Variants in ARMH3 observed in about 807,000 individuals in gnomAD.
The protein encoded by ARMH3 is armadillo like helical domain containing 3.
A neutral mutation model predicts 99.1 loss-of-function variants in ARMH3; 60 were observed. The ratio of observed to expected loss-of-function variants is 0.61; its 90% CI spans 0.49 to 0.75. The LOEUF (loss-of-function observed/expected upper bound fraction) is 0.75. ARMH3 is among the 30% of genes least tolerant of loss of function. The pLI is 0.00. For missense variants in ARMH3, 679 were observed against 843.1 expected (o/e 0.81, Z 2.41); for synonymous variants, 285 against 292.8 (o/e 0.97, Z 0.27).
intron 22 of ARMH3, among the ~76,000 whole-genome samples, chr10:101,945,434 T>G (rs1013794529): frequency 6.6e-6 from 1 of 151,946 alleles, no homozygotes; most frequent in South Asian, 2.1e-4. Context: ...ATACAAAAAT[T>G]AGGCTGGACA....
chr10:101,985,078 T>TACACAC (rs35926257), intron 19 of ARMH3, among the ~76,000 whole-genome samples: 165 of 136,204 alleles, frequency 1.2e-3, no homozygotes, highest in Middle Eastern at 4.0e-3. Flanking sequence ...AAAATATATA[T>TACACAC]ACACACACAC....
intron 5 of ARMH3, 62 bp from the exon 6 acceptor site, chr10:102,025,310 C>T: frequency 7.3e-7 from 1 of 1,372,044 alleles, no homozygotes; most frequent in South Asian, 1.2e-5. Context: ...TTGTCTAACT[C>T]TGGGTTATGT....
At chr10:101,865,495 T>C (rs1458806899) in intron 24 of ARMH3, among the ~76,000 whole-genome samples, 1 of 152,038 alleles carries the variant, frequency 6.6e-6, no homozygotes, top group African/African-American at 2.4e-5. Context: ...CCGTAATTTT[T>C]TTTTCTTTTT....
chr10:101,968,806 C>T (rs991807321), intron 20 of ARMH3, among the ~76,000 whole-genome samples: 2 of 152,148 alleles, frequency 1.3e-5, no homozygotes, highest in East Asian at 3.8e-4. Flanking sequence ...AAAAAAGCTT[C>T]CTGGCATTCC....
chr10:102,038,089 C>CTTTTTTT (rs949920845), intron 2 of ARMH3, among the ~76,000 whole-genome samples: 2 of 113,328 alleles, frequency 1.8e-5, no homozygotes, highest in African/African-American at 7.0e-5. Flanking sequence ...AGAAAGAATC[C>CTTTTTTT]TTTTTTTTTT....
At chr10:101,939,978 G>A (rs370253400) in intron 22 of ARMH3, 40 bp from the exon 23 acceptor site, 10 of 1,547,144 alleles carry the variant, frequency 6.5e-6, no homozygotes, top group Middle Eastern at 1.7e-4. Context: ...CAAACCCCCG[G>A]CATAAAACAC....
chr10:102,043,883 G>C (rs2067479339), intron 1 of ARMH3, among the ~76,000 whole-genome samples: 1 of 152,186 alleles, frequency 6.6e-6, no homozygotes, highest in Non-Finnish European at 1.5e-5. Flanking sequence ...CACGTGAGCT[G>C]CTGTCACTTC....
At chr10:101,983,279 A>G (rs1846313011) in intron 19 of ARMH3, among the ~76,000 whole-genome samples, 3 of 152,014 alleles carry the variant, frequency 2.0e-5, no homozygotes, top group Admixed American at 6.6e-5. Context: ...AGTGGTTTTT[A>G]TTTTATTTTA....
chr10:101,992,744 G>A (rs1846860364), intron 17 of ARMH3, among the ~76,000 whole-genome samples: 1 of 151,686 alleles, frequency 6.6e-6, no homozygotes, highest in Non-Finnish European at 1.5e-5. Flanking sequence ...ATCCCGCCTT[G>A]GCCTCCCAAA....
intron 8 of ARMH3, among the ~76,000 whole-genome samples, chr10:102,023,187 CAAAAA>C: frequency 7.8e-6 from 1 of 128,834 alleles, no homozygotes; most frequent in African/African-American, 2.8e-5. Flanking sequence ...AAATCCGTCT[CAAAAA>C]AAAAAAAAAA....
intron 20 of ARMH3, among the ~76,000 whole-genome samples, chr10:101,964,668 A>T (rs1845456377): frequency 6.6e-6 from 1 of 152,188 alleles, no homozygotes; most frequent in African/African-American, 2.4e-5. Context: ...TACCCAGAGT[A>T]ATCAAATTCA....
At chr10:101,926,466 G>C (rs918587980) in intron 23 of ARMH3, among the ~76,000 whole-genome samples, 1 of 152,136 alleles carries the variant, frequency 6.6e-6, no homozygotes, top group Non-Finnish European at 1.5e-5. Context: ...CCAAACATGA[G>C]AATTTAGAGT....
chr10:101,988,337 C>T (rs1318044358), intron 19 of ARMH3, among the ~76,000 whole-genome samples: 1 of 152,162 alleles, frequency 6.6e-6, no homozygotes, highest in Non-Finnish European at 1.5e-5. Context: ...AATAGCACAT[C>T]CTAAAACTAG....
At chr10:101,868,848 G>A (rs1485365105) in intron 24 of ARMH3, among the ~76,000 whole-genome samples, 2 of 152,160 alleles carry the variant, frequency 1.3e-5, no homozygotes, top group Non-Finnish European at 2.9e-5. Flanking sequence ...AAGGCAGGTG[G>A]ATCACCTGAA....
rs533701987 is a variant in ARMH3 at position 102,022,247 on chromosome 10, T to C, written c.669+1230A>G. On this transcript the variant is annotated intron_variant, in intron 8 of 25. Transcript: ENST00000370033. ...TGACCACAAAAAAATCAAATCTTTCTAAACAGATGAACTAGGTCAGTGGTT... is the reference window on the plus strand; with the variant it reads ...TGACCACAAAAAAATCAAATCTTTCCAAACAGATGAACTAGGTCAGTGGTT... Among the ~76,000 whole-genome samples, 4 of 152,010 alleles carry C rather than the reference T, an allele frequency of 2.6e-5. No individual in the cohort carries two copies. The South Asian group carries it at 6.2e-4, about 24-fold the overall frequency.
chr10:101,904,009 T>C (rs1195812898), intron 23 of ARMH3, among the ~76,000 whole-genome samples: 1 of 152,232 alleles, frequency 6.6e-6, no homozygotes, highest in African/African-American at 2.4e-5. Context: ...GGATCTCAGC[T>C]GTGCCGTGCC....
At chr10:102,044,278 T>C (rs188663284) in intron 1 of ARMH3, among the ~76,000 whole-genome samples, 3 of 151,900 alleles carry the variant, frequency 2.0e-5, no homozygotes, top group Admixed American at 2.0e-4. Flanking sequence ...AGTTTCACCA[T>C]GTTAGCCAGG....
At chr10:102,019,026 G>T (rs571079837) in intron 8 of ARMH3, among the ~76,000 whole-genome samples, 1 of 151,856 alleles carries the variant, frequency 6.6e-6, no homozygotes, top group Non-Finnish European at 1.5e-5. Context: ...AAACGACTAT[G>T]TTACTGGTTT....
rs537396610 is a variant in ARMH3 at position 101,953,376 on chromosome 10, T to G, written c.1705+3221A>C. Among the ~76,000 whole-genome samples the G allele has an allele frequency of 2.6e-5, 4 of 152,280 alleles. No individual in the cohort carries two copies. The South Asian group carries it at 6.2e-4, about 24-fold the overall frequency. ...CCTGAGCTCAAGTGATCTGCCTACT[T>G]TGGCCACCCAAAGTGCTGGGACTAC... is the stretch of plus-strand genomic sequence containing the variant. On this transcript the variant is annotated intron_variant, in intron 22 of 25. Transcript: ENST00000370033.
Sources: allele counts gnomAD v4.1 joint callset (sites outside exome capture counted in the v4.1 genomes callset), GRCh38; gene constraint gnomAD v4.1.1; transcripts MANE v1.5; gene names NCBI Gene and HGNC (gene_info 2026-07-23, HGNC 2026-07-21).